The following CSMD2 variants were observed in gnomAD, a reference collection of about 807,000 sequenced individuals.
CSMD2 encodes the protein CUB and Sushi multiple domains 2.
A neutral mutation model predicts 398.5 loss-of-function variants in CSMD2; 130 were observed. The ratio of observed to expected loss-of-function variants is 0.33; its 90% CI spans 0.28 to 0.38. The LOEUF (loss-of-function observed/expected upper bound fraction) is 0.38, where lower values mean the gene tolerates loss of function less well. CSMD2 is among the 10% of genes least tolerant of loss of function. The pLI is 1.00. For missense variants in CSMD2, 3,829 were observed against 4,764.9 expected, an observed-to-expected ratio of 0.80 and a Z score of 5.78; for synonymous variants, 1,828 against 1,908.5, an observed-to-expected ratio of 0.96 and a Z score of 1.10.
chr1:33,744,149 C>G (rs548689188), intron 13 of CSMD2, among the ~76,000 whole-genome samples: 1 of 152,300 alleles, frequency 6.6e-6, no homozygotes, highest in African/African-American at 2.4e-5. Context: ...AGCCACAACT[C>G]AAGCCTAAGT....
At chr1:33,666,208 T>C (rs1557697818) in intron 25 of CSMD2, among the ~76,000 whole-genome samples, 1 of 152,170 alleles carries the variant, frequency 6.6e-6, no homozygotes, top group African/African-American at 2.4e-5. Context: ...ACTTACTAAT[T>C]TCCCAAATTT....
chr1:33,781,474 A>T (rs1178069820), intron 12 of CSMD2, among the ~76,000 whole-genome samples: 5 of 152,188 alleles, frequency 3.3e-5, no homozygotes, highest in Non-Finnish European at 7.3e-5. Flanking sequence ...GCAACACATC[A>T]CAGGGCCTTA....
chr1:33,966,683 T>C (rs1558173200), intron 3 of CSMD2, among the ~76,000 whole-genome samples: 1 of 152,206 alleles, frequency 6.6e-6, no homozygotes, highest in Admixed American at 6.5e-5. Context: ...GGAGTGGATG[T>C]TGAGTTTGAT....
intron 5 of CSMD2, among the ~76,000 whole-genome samples, chr1:33,884,326 G>A (rs749434734): frequency 4.6e-5 from 7 of 151,614 alleles, no homozygotes; most frequent in Admixed American, 4.6e-4. Context: ...TGGCATCCCA[G>A]GGGCACCTCA....
At chr1:34,088,193 C>T (rs935126462) in intron 2 of CSMD2, among the ~76,000 whole-genome samples, 1 of 152,240 alleles carries the variant, frequency 6.6e-6, no homozygotes, top group African/African-American at 2.4e-5. Flanking sequence ...GCAATTAGCA[C>T]CTCCGGCTCC....
intron 3 of CSMD2, among the ~76,000 whole-genome samples, chr1:34,006,597 A>C (rs1042071532): frequency 1.3e-5 from 2 of 152,182 alleles, no homozygotes; most frequent in East Asian, 1.9e-4. Context: ...GCTGGTTGAC[A>C]GGTTTGTCTG....
chr1:34,008,892 G>A (rs1292526940), intron 3 of CSMD2, among the ~76,000 whole-genome samples: 1 of 152,132 alleles, frequency 6.6e-6, no homozygotes, highest in Non-Finnish European at 1.5e-5. Context: ...AATGAATGTT[G>A]ATTTGACATC....
chr1:33,578,389 C>T (rs1266741038), intron 48 of CSMD2, among the ~76,000 whole-genome samples: 1 of 152,012 alleles, frequency 6.6e-6, no homozygotes, highest in Non-Finnish European at 1.5e-5. Context: ...ACCAACCTGG[C>T]CAAAATGGTG....
intron 21 of CSMD2, among the ~76,000 whole-genome samples, chr1:33,713,417 G>A (rs951027240): frequency 7.2e-5 from 11 of 152,150 alleles, no homozygotes; most frequent in South Asian, 2.1e-4. Context: ...TTCACTTTAC[G>A]TGAGGTCCAT....
chr1:33,558,605 T>C (rs952257315), intron 54 of CSMD2, among the ~76,000 whole-genome samples: 2 of 152,208 alleles, frequency 1.3e-5, no homozygotes, highest in African/African-American at 2.4e-5. Flanking sequence ...TTAAAAATCT[T>C]TGATAAGCCT....
chr1:33,631,709 G>A (rs948043866), intron 32 of CSMD2, among the ~76,000 whole-genome samples: 21 of 152,084 alleles, frequency 1.4e-4, no homozygotes, highest in African/African-American at 4.8e-4. Context: ...ATAAACAAAT[G>A]GAGAGACATA....
At chr1:33,705,784 T>C (rs920723801) in intron 22 of CSMD2, among the ~76,000 whole-genome samples, 19 of 152,198 alleles carry the variant, frequency 1.2e-4, no homozygotes, top group South Asian at 2.1e-4. Context: ...TCGCCCAGGC[T>C]GGAGTGCAGT....
In CSMD2 at chr1:33,864,668, C is replaced by T. The variant is rs570437886; in HGVS notation, c.921-17672G>A. 2.5e-6 allele frequency: 4 copies of T among 1,613,878 alleles called. No homozygotes were observed. In the East Asian group the frequency reaches 6.7e-5, roughly 27 times the overall value. On this transcript the variant is annotated intron_variant, in intron 5 of 70. Coordinates refer to ENST00000373381, the MANE Select transcript of CSMD2 (RefSeq NM_001281956.2). ...CTAAGTACTTCGAGGAACTTGAACT[C>T]TACCGTAAACAATGTAATGCCAGGA...
chr1:33,707,688 C>CGT (rs1557764456), intron 22 of CSMD2, among the ~76,000 whole-genome samples: 67 of 42,988 alleles, frequency 1.6e-3, no homozygotes, highest in African/African-American at 8.2e-3. Flanking sequence ...TGCACACGCG[C>CGT]GCGCGCGCAC....
chr1:33,945,043 T>C (rs1434052007), intron 3 of CSMD2, among the ~76,000 whole-genome samples: 1 of 151,992 alleles, frequency 6.6e-6, no homozygotes, highest in Non-Finnish European at 1.5e-5. Context: ...TGCAAAGACA[T>C]CCATCATTGC....
intron 4 of CSMD2, among the ~76,000 whole-genome samples, chr1:33,927,897 GC>G (rs1331732554): frequency 6.6e-6 from 1 of 152,188 alleles, no homozygotes; most frequent in Admixed American, 6.5e-5. Flanking sequence ...GTAGTTTCCA[GC>G]CCCCACCCTG....
At chr1:34,035,067 G>A (rs1029958313) in intron 2 of CSMD2, among the ~76,000 whole-genome samples, 16 of 152,112 alleles carry the variant, frequency 1.1e-4, no homozygotes, top group African/African-American at 3.9e-4. Flanking sequence ...TTAACAACAT[G>A]ATAATAAGGA....
chr1:33,826,956 T>G (rs1658896358), intron 6 of CSMD2, among the ~76,000 whole-genome samples: 1 of 152,188 alleles, frequency 6.6e-6, no homozygotes, highest in Non-Finnish European at 1.5e-5. Flanking sequence ...AGGTCCAGGG[T>G]GCTTTACAAG....
At chr1:34,076,936 T>A (rs867344499) in intron 2 of CSMD2, among the ~76,000 whole-genome samples, 1,646 of 67,500 alleles carry the variant, frequency 0.024, 27 homozygotes, top group African/African-American at 0.051. Context: ...AAAATATATA[T>A]ATATATATAT....
Sources: gnomAD v4.1 joint callset for allele counts (sites outside exome capture counted in the v4.1 genomes callset) on GRCh38, gnomAD v4.1.1 for gene constraint, MANE v1.5 for transcripts, NCBI Gene and HGNC (gene_info 2026-07-23, HGNC 2026-07-21) for gene names.